NCKAP5: variants seen among roughly 807,000 people sequenced by gnomAD.
NCKAP5 encodes nck-associated protein 5.
In NCKAP5, 92 loss-of-function variants were observed where a neutral mutation model predicts 167.0. The observed-to-expected ratio is 0.55, with a 90% CI of 0.47 to 0.66. The LOEUF is 0.66. Among genes scored for constraint, NCKAP5 ranks in the 30% least tolerant of loss-of-function variants. The probability of loss-of-function intolerance (pLI) is 0.00; values close to 1 mark genes in which losing one functional copy is unlikely to be tolerated. For missense variants in NCKAP5, 2,378 were observed against 2,315.0 expected, an observed-to-expected ratio of 1.03 and a Z score of -0.56; for synonymous variants, 891 against 877.4, an observed-to-expected ratio of 1.02 and a Z score of -0.27.
chr2:133,171,734 C>T (rs111834896), intron 5 of NCKAP5, among the ~76,000 whole-genome samples: 7 of 152,260 alleles, frequency 4.6e-5, no homozygotes, highest in South Asian at 2.1e-4. Flanking sequence ...ACAATAGATC[C>T]GCCGTAGTTC....
intron 2 of NCKAP5, 29 bp from the exon 3 acceptor site, chr2:133,517,616 T>A: frequency 1.2e-6 from 1 of 801,986 alleles, no homozygotes; most frequent in Non-Finnish European, 1.9e-6. Context: ...TGTTTTACTA[T>A]CCAAGTACAC....
chr2:132,777,974 T>C (rs555257332), intron 15 of NCKAP5, among the ~76,000 whole-genome samples: 2 of 152,252 alleles, frequency 1.3e-5, no homozygotes, highest in African/African-American at 4.8e-5. Flanking sequence ...TCATTAATTT[T>C]GTTAATGATT....
chr2:132,824,924 G>A (rs1687018395), intron 11 of NCKAP5, among the ~76,000 whole-genome samples: 1 of 152,188 alleles, frequency 6.6e-6, no homozygotes, highest in African/African-American at 2.4e-5. Context: ...TTGAAGCCAT[G>A]GAGATTTTAT....
chr2:133,431,464 G>A (rs973789819), intron 3 of NCKAP5, among the ~76,000 whole-genome samples: 1 of 152,136 alleles, frequency 6.6e-6, no homozygotes, highest in Non-Finnish European at 1.5e-5. Flanking sequence ...CAGCTTGGAG[G>A]CCCTGAAGGC....
At chr2:133,562,721 G>A (rs1188495066) in intron 1 of NCKAP5, among the ~76,000 whole-genome samples, 2 of 152,110 alleles carry the variant, frequency 1.3e-5, no homozygotes, top group African/African-American at 2.4e-5. Flanking sequence ...TCACTAATCC[G>A]GTAAAGTTGA....
chr2:133,510,600 T>C (rs1004023366), intron 3 of NCKAP5, among the ~76,000 whole-genome samples: 5 of 152,244 alleles, frequency 3.3e-5, no homozygotes, highest in Non-Finnish European at 7.3e-5. Context: ...ATCTAGACTG[T>C]TCTAAACTGC....
chr2:133,411,336 T>A (rs1230511597), intron 3 of NCKAP5, among the ~76,000 whole-genome samples: 1 of 152,132 alleles, frequency 6.6e-6, no homozygotes, highest in Non-Finnish European at 1.5e-5. Flanking sequence ...AACTTTATAA[T>A]ATTTTTGGCA....
At chr2:133,607,671 T>C in the NCKAP5 span, among the ~76,000 whole-genome samples, 1,687 of 152,260 alleles carry the variant, frequency 0.011, 30 homozygotes, top group African/African-American at 0.039. Flanking sequence ...AGAGTTATAA[T>C]AGAGGGAAAA....
At chr2:133,321,039 T>A (rs184038230) in intron 3 of NCKAP5, among the ~76,000 whole-genome samples, 1 of 152,300 alleles carries the variant, frequency 6.6e-6, no homozygotes, top group Admixed American at 6.5e-5. Context: ...GAGTCGTGTA[T>A]GCTCATCTGC....
chr2:133,412,483 A>G (rs1688837868), intron 3 of NCKAP5, among the ~76,000 whole-genome samples: 1 of 152,132 alleles, frequency 6.6e-6, no homozygotes. Flanking sequence ...TGAATTTCTT[A>G]TTCTGACCTT....
intron 3 of NCKAP5, among the ~76,000 whole-genome samples, chr2:133,439,281 G>A (rs1046538983): frequency 2.6e-5 from 4 of 152,154 alleles, no homozygotes; most frequent in Admixed American, 6.5e-5. Flanking sequence ...GAAAGGGTGA[G>A]CCTAATTGAA....
At chr2:133,008,199 G>A (rs769525290) in intron 6 of NCKAP5, among the ~76,000 whole-genome samples, 15 of 151,970 alleles carry the variant, frequency 9.9e-5, no homozygotes, top group African/African-American at 2.7e-4. Flanking sequence ...TTTTTCCTCC[G>A]TTGGTTGACT....
At chr2:133,129,243 C>T (rs1036062885) in intron 6 of NCKAP5, among the ~76,000 whole-genome samples, 5 of 151,876 alleles carry the variant, frequency 3.3e-5, no homozygotes, top group East Asian at 1.9e-4. Context: ...TATCCCTCCC[C>T]GCTCCCCCCA....
intron 3 of NCKAP5, among the ~76,000 whole-genome samples, chr2:133,389,811 C>A (rs1687268916): frequency 6.6e-6 from 1 of 152,184 alleles, no homozygotes; most frequent in South Asian, 2.1e-4. Context: ...GAGCAATGAA[C>A]TCAATTCTTT....
At chr2:132,912,925 C>T (rs1694569157) in intron 8 of NCKAP5, among the ~76,000 whole-genome samples, 1 of 152,154 alleles carries the variant, frequency 6.6e-6, no homozygotes. Context: ...ATATCAACAA[C>T]TTCACAAATT....
intron 8 of NCKAP5, among the ~76,000 whole-genome samples, chr2:132,908,378 T>G (rs977231361): frequency 3.9e-5 from 6 of 152,196 alleles, no homozygotes; most frequent in African/African-American, 1.4e-4. Context: ...TCAATTTCTC[T>G]CTTGAAATGC....
At chr2:132,967,184 CACACACACACACACACAT>C (rs1306540657) in intron 7 of NCKAP5, among the ~76,000 whole-genome samples, 6 of 150,396 alleles carry the variant, frequency 4.0e-5, no homozygotes, top group African/African-American at 7.5e-5. Flanking sequence ...CACACACACA[CACACACACACACACACAT>C]ACACACACAC....
rs1288443217 is a variant in NCKAP5, at chr2:133,517,847, A to G, written c.-61-260T>C. ...TGCAGGTTGAATCAGCAGACTGTAG[A>G]AAAAAGCAAACAGTCCGTTTCATGC... On this transcript the variant is annotated intron_variant, in intron 2 of 19. Coordinates refer to ENST00000409261, the MANE Select transcript of NCKAP5 (RefSeq NM_207363.3). 5.3e-5 allele frequency among the ~76,000 whole-genome samples: 8 copies of G among 152,266 alleles called. No individual in the cohort carries two copies. The South Asian group carries it at 1.5e-3, about 28-fold the overall frequency.
intron 3 of NCKAP5, among the ~76,000 whole-genome samples, chr2:133,461,921 C>T (rs912411492): frequency 6.8e-6 from 1 of 147,900 alleles, no homozygotes; most frequent in African/African-American, 2.5e-5. Flanking sequence ...GCTATTTCTT[C>T]TGCTTTTCAC....
Sources: gnomAD v4.1 joint callset for allele counts (sites outside exome capture counted in the v4.1 genomes callset) on GRCh38, gnomAD v4.1.1 for gene constraint, MANE v1.5 for transcripts, NCBI Gene and HGNC (gene_info 2026-07-23, HGNC 2026-07-21) for gene names.